The following EIF3A variants were observed in gnomAD, a reference collection of about 807,000 sequenced individuals.
The protein encoded by EIF3A is eukaryotic translation initiation factor 3 subunit A.
A neutral mutation model predicts 186.6 loss-of-function variants in EIF3A; 21 were observed. The observed-to-expected ratio is 0.11, with a 90% CI of 0.08 to 0.16. EIF3A has a LOEUF of 0.16. Among genes scored for constraint, EIF3A ranks in the 10% least tolerant of loss-of-function variants. EIF3A has a pLI of 1.00. For missense variants in EIF3A, 1,306 were observed against 1,796.3 expected (o/e 0.73, Z 4.93); for synonymous variants, 563 against 584.3 (o/e 0.96, Z 0.52).
intron 7 of EIF3A, among the ~76,000 whole-genome samples, chr10:119,064,571 C>T (rs965882771): frequency 2.6e-5 from 4 of 152,184 alleles, no homozygotes; most frequent in Non-Finnish European, 2.9e-5. Flanking sequence ...ACCTGCTTCC[C>T]GTTCCCCTTC....
chr10:119,062,409 T>A (rs1043120672), intron 7 of EIF3A, among the ~76,000 whole-genome samples: 1 of 152,242 alleles, frequency 6.6e-6, no homozygotes, highest in African/African-American at 2.4e-5. Context: ...ATGGAATCAC[T>A]CTGTCTCATA....
rs1394813233 is a variant in EIF3A at position 119,042,791 on chromosome 10, A to G, written c.2748-19T>C. ...CCACTCCCTACACAGCAACAAGAAC[A>G]ATTAAAAATATATAAAATAAAAAAG... On this transcript the variant is annotated intron_variant, in intron 18 of 21. Transcript: ENST00000369144. This position sits in a 1 kb window ranked among gnomAD's most constrained non-coding sequence, Gnocchi z 7.8. The G allele has an allele frequency of 6.5e-7, 1 of 1,539,850 alleles. No homozygotes were observed.
At chr10:119,049,777 A>C in intron 17 of EIF3A, 24 bp downstream of exon 17, 1 of 1,582,358 alleles carries the variant, frequency 6.3e-7, no homozygotes, top group Non-Finnish European at 8.6e-7. Context: ...AAAACAAAAT[A>C]AAATCAATAA....
At position 119,042,638 on chromosome 10, in the gene EIF3A, C is replaced by G; in HGVS notation, c.2882G>C (p.Gly961Ala). The change falls in exon 19 of 22, where the codon GGC becomes GCC. Residue 961 changes from glycine (G) to alanine (A), a missense_variant. Physicochemically the swap from Gly to Ala is moderately conservative, Grantham distance 60. Coordinates refer to ENST00000369144, the MANE Select transcript of EIF3A (RefSeq NM_003750.4). This position sits in a 1 kb window ranked among gnomAD's most constrained non-coding sequence, Gnocchi z 7.8. ...TCTAGGGCCTCTGTCATCATCCATG[C>G]CACGCCGGGGAACCCGATCATCGTC... Reference protein sequence around the residue: ...RPDDDRVPRRGMDDDRGPRRG... With the variant: ...RPDDDRVPRRAMDDDRGPRRG... 1.2e-6 allele frequency: 2 copies of G among 1,614,218 alleles called. No homozygotes were observed. Among genetic ancestry groups the G allele is most frequent in the South Asian group, 2.2e-5 (2 of 91,084 alleles).
At chr10:119,057,148 T>C (rs897252110) in intron 12 of EIF3A, 108 bp from the exon 13 acceptor site, 5 of 647,496 alleles carry the variant, frequency 7.7e-6, no homozygotes, top group Non-Finnish European at 8.0e-6. Flanking sequence ...ATTGTTACAA[T>C]GGGTGATAAT....
chr10:119,058,469 T>C (rs561106154), intron 11 of EIF3A, among the ~76,000 whole-genome samples, 166 bp from the exon 12 acceptor site: 27 of 152,380 alleles, frequency 1.8e-4, no homozygotes, highest in Non-Finnish European at 2.9e-4. Flanking sequence ...TTAAATGCTA[T>C]GGTGTTGCTC....
intron 11 of EIF3A, among the ~76,000 whole-genome samples, 200 bp from the exon 12 acceptor site, chr10:119,058,503 G>A (rs1843828494): frequency 6.6e-6 from 1 of 152,216 alleles, no homozygotes; most frequent in South Asian, 2.1e-4. Context: ...TAATAGCAAT[G>A]ACGCAGCTAA....
At chr10:119,060,424 G>GA (rs559382323) in intron 9 of EIF3A, among the ~76,000 whole-genome samples, 24 of 148,810 alleles carry the variant, frequency 1.6e-4, no homozygotes, top group South Asian at 4.2e-4. Context: ...TTCTAACAGG[G>GA]AAAAAAAAAA....
intron 6 of EIF3A, among the ~76,000 whole-genome samples, chr10:119,066,806 C>CA (rs1448170597): frequency 6.6e-6 from 1 of 152,166 alleles, no homozygotes; most frequent in Admixed American, 6.5e-5. Context: ...AAGGCTACTG[C>CA]AAAGATTAAA....
intron 19 of EIF3A, among the ~76,000 whole-genome samples, chr10:119,039,456 A>C (rs1176687268): frequency 4.6e-5 from 7 of 152,068 alleles, no homozygotes; most frequent in African/African-American, 1.7e-4. Flanking sequence ...GGATCCCTGG[A>C]GCCCAGGAGT....
At position 119,073,844 on chromosome 10, in the gene EIF3A, T is replaced by G; in HGVS notation, c.143A>C (p.Glu48Ala). ...TTCCAAGTATTTCAACATAATTGGT[T>G]CGTGTATCTTTTGCCATGTTCTATG... ...KKHRTWQKIH[E>A]PIMLKYLELC... The change falls in exon 2 of 22, where the codon GAA (glutamate) becomes GCA (alanine). Residue 48 changes from glutamate to alanine, a missense_variant. Glu to Ala is a moderately radical substitution (Grantham distance 107, BLOSUM62 -1). This residue lies in a region of EIF3A where 130 missense variants were observed against 259.3 expected (regional missense o/e 0.50). Transcript: ENST00000369144. The G allele has an allele frequency of 6.2e-7, 1 of 1,613,924 alleles. No individual in the cohort carries two copies. The highest frequency in any genetic ancestry group is 8.5e-7 in the Non-Finnish European group (1 of 1,179,944).
chr10:119,038,977 TAA>T (rs1159923146), intron 19 of EIF3A, among the ~76,000 whole-genome samples: 5 of 152,158 alleles, frequency 3.3e-5, no homozygotes, highest in Non-Finnish European at 7.4e-5. Context: ...TGATCTGTGT[TAA>T]GTGTTCCATA....
intron 7 of EIF3A, among the ~76,000 whole-genome samples, chr10:119,064,311 C>T (rs1843935248): frequency 6.6e-6 from 1 of 152,176 alleles, no homozygotes; most frequent in Non-Finnish European, 1.5e-5. Flanking sequence ...GGTAAGTCTA[C>T]CTTACCTTCT....
In EIF3A at chr10:119,042,315, G is replaced by A. The variant is rs777884334; in HGVS notation, c.3205C>T (p.Pro1069Ser). The A allele has an allele frequency of 1.5e-5, 24 of 1,612,190 alleles. No homozygotes were observed. Among genetic ancestry groups the A allele is most frequent in the African/African-American group, 2.7e-5 (2 of 74,250 alleles). The change falls in exon 19 of 22, where the codon CCC becomes TCC. Residue 1069 changes from proline to serine, a missense_variant. Physicochemically the swap from Pro to Ser is moderately conservative, Grantham distance 74. This residue lies in a region of EIF3A where 410 missense variants were observed against 473.5 expected (regional missense o/e 0.87). Coordinates refer to ENST00000369144, the MANE Select transcript of EIF3A (RefSeq NM_003750.4). This position sits in a 1 kb window ranked among gnomAD's most constrained non-coding sequence, Gnocchi z 7.8. ...SWRNADDDRG[P>S]RRGLDDDRGP... ...CGATCATCATCCAACCCTCGCCTGG[G>A]ACCCCGGTCATCATCAGCATTACGC... is the stretch of plus-strand genomic sequence containing the variant.
chr10:119,068,890 T>C (rs1362645592), intron 6 of EIF3A, among the ~76,000 whole-genome samples: 2 of 143,760 alleles, frequency 1.4e-5, no homozygotes, highest in Non-Finnish European at 3.0e-5. Context: ...GGAGAATCGC[T>C]TGAACCCAGC....
At chr10:119,052,368 T>TGTGTG (rs1848367766) in intron 14 of EIF3A, among the ~76,000 whole-genome samples, 107 of 123,064 alleles carry the variant, frequency 8.7e-4, no homozygotes, top group African/African-American at 2.7e-3. Flanking sequence ...TTTTTTGGTT[T>TGTGTG]TGTGTGTGTG....
Position 119,042,134 on chromosome 10 carries a change from G to C in EIF3A, c.3386C>G (p.Pro1129Arg). The C allele has an allele frequency of 6.2e-7, 1 of 1,614,136 alleles. No homozygotes were observed. Among genetic ancestry groups the C allele is most frequent in the African/African-American group, 1.3e-5 (1 of 75,022 alleles). Residue 1129 changes from proline to arginine, a missense_variant, in exon 19 of 22, where the codon CCC becomes CGC. Around this residue, in one of 8 missense-constraint regions of EIF3A, gnomAD observed 331 missense variants for 365.8 expected, o/e 0.90. Coordinates refer to ENST00000369144, the MANE Select transcript of EIF3A (RefSeq NM_003750.4). The surrounding 1 kb of genome is among the most constrained non-coding windows in gnomAD (Gnocchi z 7.8). ...CCTGTCATCCTCTGCACCACGCCTG[G>C]GAATTCTGTCATCATCGGCGTTCCT... The part of the protein sequence containing the change: ...PWRNADDDRI[P>R]RRGAEDDRGP...
Position 119,080,787 on chromosome 10 carries a change from G to T in EIF3A, c.-111C>A. 2 of 1,444,404 alleles carry T rather than the reference G, an allele frequency of 1.4e-6. No individual in the cohort carries two copies. The highest frequency in any genetic ancestry group is 1.8e-6 in the Non-Finnish European group (2 of 1,094,356). The allele number at this position is 1,444,404 out of a possible 1,614,324, so 89.5% of individuals were successfully genotyped here. A position where few individuals can be genotyped will look rare whatever the true frequency, so the allele number is the denominator to read the frequency against. On this transcript the variant is annotated 5_prime_UTR_variant, in exon 1 of 22. Transcript: ENST00000369144. ...GGTCCCACGCGCCTCGCCAGCAGTC[G>T]CCCGCGCCCAGCCGGCCAGAGACGG...
chr10:119,057,431 A>G (rs1843799138), intron 12 of EIF3A, among the ~76,000 whole-genome samples: 1 of 152,172 alleles, frequency 6.6e-6, no homozygotes, highest in African/African-American at 2.4e-5. Flanking sequence ...TCATGCACAA[A>G]ATTATGTAAA....
Sources: gnomAD v4.1 joint callset for allele counts (sites outside exome capture counted in the v4.1 genomes callset) on GRCh38, gnomAD v4.1.1 for gene constraint, gnomAD v4.1.1 regional missense constraint, Gnocchi (gnomAD v3.1) non-coding constraint, MANE v1.5 for transcripts, NCBI Gene and HGNC (gene_info 2026-07-23, HGNC 2026-07-21) for gene names.